The following NCOR2 variants were observed in gnomAD, a reference collection of about 807,000 sequenced individuals.
NCOR2 encodes the protein nuclear receptor corepressor 2, also known as CTG repeat protein 26.
A neutral mutation model predicts 262.9 loss-of-function variants in NCOR2; 81 were observed. The observed-to-expected ratio is 0.31, with a 90% CI of 0.26 to 0.37. The LOEUF is 0.37. Among genes scored for constraint, NCOR2 ranks in the 10% least tolerant of loss-of-function variants. NCOR2 has a pLI of 1.00. For synonymous variants in NCOR2, 1,659 were observed against 1,559.3 expected, an observed-to-expected ratio of 1.06 and a Z score of -1.51; for missense variants, 3,385 against 3,621.4, an observed-to-expected ratio of 0.93 and a Z score of 1.68.
At chr12:124,507,469 C>T in intron 1 of NCOR2, among the ~76,000 whole-genome samples, 1 of 152,338 alleles carries the variant, frequency 6.6e-6, no homozygotes, top group Non-Finnish European at 1.5e-5. Flanking sequence ...CCATAAAAGG[C>T]AAAGTGTTGC....
chr12:124,563,414 G>C (rs555684715), intron 1 of NCOR2, among the ~76,000 whole-genome samples: 18 of 152,368 alleles, frequency 1.2e-4, no homozygotes, highest in African/African-American at 4.1e-4. Context: ...ATGATGCTAA[G>C]TTCATTCATC....
At chr12:124,340,669 G>A in exon 35 of NCOR2, 3 of 1,511,130 alleles carry the variant, frequency 2.0e-6, no homozygotes, top group Non-Finnish European at 2.6e-6. Context: ...GGTAGGCAAG[G>A]CGGTCCATGG....
intron 22 of NCOR2, 162 bp from the exon 25 acceptor site, chr12:124,356,944 G>A: frequency 2.4e-6 from 2 of 844,232 alleles, no homozygotes; most frequent in Non-Finnish European, 3.3e-6. Flanking sequence ...GCCTGCCTGG[G>A]CGCTGCTCTG....
At chr12:124,499,202 G>T (rs962400758), upstream of NCOR2, among the ~76,000 whole-genome samples, 2 of 152,402 alleles carry the variant, frequency 1.3e-5, no homozygotes, top group Middle Eastern at 3.4e-3. Flanking sequence ...CCCCTCCAGG[G>T]TCTCCAGGAT....
At chr12:124,348,710 AGT>A (rs1346435171) in intron 28 of NCOR2, 4 of 227,108 alleles carry the variant, frequency 1.8e-5, no homozygotes, top group Non-Finnish European at 3.5e-5. Flanking sequence ...ACGCATCAGC[AGT>A]GTGTGGATGT....
intron 30 of NCOR2, 85 bp from the exon 33 acceptor site, chr12:124,346,935 T>C: frequency 7.3e-7 from 1 of 1,373,256 alleles, no homozygotes; most frequent in Non-Finnish European, 9.4e-7. Flanking sequence ...CTGGAGCTAG[T>C]CTGCCTGAGT....
rs1362164983 is a variant in NCOR2, at chr12:124,517,686, C to T, written c.-118+17879G>A. On this transcript the variant is annotated intron_variant, in intron 1 of 46. Transcript: ENST00000404621. The surrounding 1 kb of genome is among the most constrained non-coding windows in gnomAD (Gnocchi z 7.6). ...CTGAGCCCCCAAGGCTCGCCATGCT[C>T]CCCCCCAGGGACGCCGGATGTGCAC... is the stretch of plus-strand genomic sequence containing the variant. Among the ~76,000 whole-genome samples, 1 of 152,138 alleles carries T rather than the reference C, an allele frequency of 6.6e-6. No homozygotes were observed. The highest frequency in any genetic ancestry group is 2.4e-5 in the African/African-American group (1 of 41,440).
intron 1 of NCOR2, among the ~76,000 whole-genome samples, chr12:124,516,359 A>G (rs1332904049): frequency 6.6e-6 from 1 of 152,118 alleles, no homozygotes; most frequent in Non-Finnish European, 1.5e-5. Flanking sequence ...GCTGAGTGGG[A>G]GACGGGGCAG....
rs11057655 is a variant in NCOR2, at chr12:124,527,938, C to A, written c.-118+7627G>T. Among the ~76,000 whole-genome samples the A allele has an allele frequency of 0.014, 2,066 of 152,328 alleles. 125 individuals are homozygous for A. The East Asian group carries it at 0.17, about 13-fold the overall frequency. ...GTCCTTCCCATCTCGCCCTCCAGGG[C>A]GTGCTGCGTGTGCTGTGGCCCCATC... On this transcript the variant is annotated intron_variant, in intron 1 of 46. Transcript: ENST00000404621.
At chr12:124,557,999 C>A (rs952698605) in intron 1 of NCOR2, among the ~76,000 whole-genome samples, 2 of 152,106 alleles carry the variant, frequency 1.3e-5, no homozygotes, top group Admixed American at 6.5e-5. Flanking sequence ...GGAGCTGCAT[C>A]CGGCCCCAAC....
chr12:124,332,470 G>A lies in NCOR2; in HGVS notation c.6756-3C>T. The A allele has an allele frequency of 6.2e-7, 1 of 1,614,176 alleles. No homozygotes were observed. The highest frequency in any genetic ancestry group is 1.3e-5 in the African/African-American group (1 of 75,042). On this transcript the variant is annotated splice_region_variant and splice_polypyrimidine_tract_variant and intron_variant, in intron 42 of 46. Coordinates refer to ENST00000405201, the Ensembl canonical transcript of NCOR2. ...CTGGAGACTTGGAGCCCATCCTGCT[G>A]TGAGGATCAAACACCTCACATCAGC...
chr12:124,410,074 C>T (rs1248007082), intron 13 of NCOR2, among the ~76,000 whole-genome samples: 2 of 151,368 alleles, frequency 1.3e-5, no homozygotes, highest in Non-Finnish European at 2.9e-5. Context: ...AACCTGCCGC[C>T]TGTGAGCCTG....
At chr12:124,363,924 A>G in intron 20 of NCOR2, 125 bp from the exon 23 acceptor site, 1 of 761,634 alleles carries the variant, frequency 1.3e-6, no homozygotes, top group Non-Finnish European at 1.8e-6. Context: ...GCCCTGAGAC[A>G]CGAGGCGACT....
intron 18 of NCOR2, 138 bp from the exon 21 acceptor site, chr12:124,374,601 C>A: frequency 4.9e-6 from 4 of 813,076 alleles, no homozygotes; most frequent in Non-Finnish European, 2.0e-6. Context: ...TCTCCTGCCC[C>A]GACTGCCCTT....
exon 21 of NCOR2, chr12:124,363,766 C>A (rs779125633): frequency 1.4e-6 from 2 of 1,380,794 alleles, no homozygotes; most frequent in South Asian, 1.9e-5. Flanking sequence ...GGTCGCCAGT[C>A]GGGGTGAGGA....
intron 16 of NCOR2, among the ~76,000 whole-genome samples, chr12:124,393,022 G>T (rs745945910): frequency 1.3e-5 from 2 of 152,226 alleles, no homozygotes; most frequent in Admixed American, 6.5e-5. Flanking sequence ...GCCAACTCCC[G>T]GTCTAGAATG....
chr12:124,526,994 A>G (rs1566026743), intron 1 of NCOR2, among the ~76,000 whole-genome samples: 1 of 152,238 alleles, frequency 6.6e-6, no homozygotes, highest in African/African-American at 2.4e-5. Context: ...GAAGATCTGG[A>G]AAGAAGCTAT....
In NCOR2 at chr12:124,363,684, G is replaced by A. The variant is rs1265081325; in HGVS notation, c.2923C>T (p.Pro975Ser). ...CTCTGGGGGTGGGCACTCACGATGG[G>A]GGGGATGGCAGCCGCTCGCTGCTTC... is the stretch of plus-strand genomic sequence containing the variant. The change falls in exon 21 of 47, where the codon CCC becomes TCC. Residue 975 changes from proline (P) to serine (S), a missense_variant. Physicochemically the swap from Pro to Ser is moderately conservative, Grantham distance 74. Around this residue, in one of 5 missense-constraint regions of NCOR2, gnomAD observed 1,615 missense variants for 1,626.9 expected, o/e 0.99. Transcript: ENST00000405201. The A allele has an allele frequency of 5.8e-6, 8 of 1,389,988 alleles. No homozygotes were observed. The Admixed American group carries it at 1.1e-4, about 19-fold the overall frequency. The allele number at this position is 1,389,988 out of a possible 1,614,324, so 86.1% of individuals were successfully genotyped here.
intron 1 of NCOR2, among the ~76,000 whole-genome samples, chr12:124,529,179 CA>C (rs148397454): frequency 0.045 from 2,355 of 52,254 alleles, 8 homozygotes; most frequent in East Asian, 0.089. Context: ...AACTCCGACT[CA>C]AAAAAAAAAA....
Sources: allele counts gnomAD v4.1 joint callset (sites outside exome capture counted in the v4.1 genomes callset), GRCh38; gene constraint gnomAD v4.1.1; regional missense constraint gnomAD v4.1.1; non-coding constraint Gnocchi (gnomAD v3.1); transcripts MANE v1.5; gene names NCBI Gene and HGNC (gene_info 2026-07-23, HGNC 2026-07-21).